Variants in LAMA5 observed in about 807,000 individuals in gnomAD.
LAMA5 encodes laminin subunit alpha 5.
In LAMA5, 260 loss-of-function variants were observed where a neutral mutation model predicts 433.4. The ratio of observed to expected loss-of-function variants is 0.60; its 90% CI spans 0.54 to 0.66. The LOEUF (loss-of-function observed/expected upper bound fraction) is 0.66, where lower values mean the gene tolerates loss of function less well. LAMA5 is among the 30% of genes least tolerant of loss of function. The pLI, the probability that LAMA5 is intolerant of heterozygous loss-of-function variation, is 0.00. For missense variants in LAMA5, 5,378 were observed against 5,258.5 expected (o/e 1.02, Z -0.70); for synonymous variants, 2,620 against 2,226.6 (o/e 1.18, Z -4.97).
At chr20:62,315,355 C>T (rs1335354150) in intron 58 of LAMA5, 148 bp from the exon 59 acceptor site, 3 of 672,810 alleles carry the variant, frequency 4.5e-6, no homozygotes, top group South Asian at 4.1e-5. Flanking sequence ...TCAGTGCAAT[C>T]CAAACCCATC....
In LAMA5 at chr20:62,312,402, G is replaced by A. The variant is rs1314326941; in HGVS notation, c.9358C>T (p.Leu3120=). 9 of 1,598,624 alleles carry A rather than the reference G, an allele frequency of 5.6e-6. No individual in the cohort carries two copies. Among genetic ancestry groups the A allele is most frequent in the African/African-American group, 2.7e-5 (2 of 75,028 alleles). Residue 3120 remains leucine, a splice_region_variant and synonymous_variant, in exon 68 of 80, where the codon CTG becomes TTG. Transcript: ENST00000252999. ...CCAGCCCGGGGAGGGCTGCTCACCA[G>A]CAGGTCGGCGGTGCAGCCGGCGCTC... ...GVSAGCTADL[L]VGRAMTFHGH... is the part of the protein sequence containing the mutation.
At chr20:62,318,309 A>G (rs1444342694) in intron 53 of LAMA5, 145 bp downstream of exon 53, 35 of 304,828 alleles carry the variant, frequency 1.1e-4, no homozygotes, top group Non-Finnish European at 1.5e-4. Flanking sequence ...GGGGGGAAGA[A>G]GAGGAGGAGG....
chr20:62,311,713 G>A lies in LAMA5; in HGVS notation c.9707C>T (p.Pro3236Leu), dbSNP rs762372774. ...PHRGPPPELQ[P>L]QPEGPPRLLL... ...GAGCCTCGGGGGCCCCTCAGGCTGC[G>A]GCTGGAGCTCGGGGGGTGGTCCCCG... The change falls in exon 71 of 80, where the codon CCG becomes CTG. Residue 3236 changes from proline to leucine, a missense_variant. Physicochemically the swap from Pro to Leu is moderately conservative, Grantham distance 98. Transcript: ENST00000252999. 8 of 1,567,432 alleles carry A rather than the reference G, an allele frequency of 5.1e-6. No individual in the cohort carries two copies. Among genetic ancestry groups the A allele is most frequent in the East Asian group, 4.7e-5 (2 of 42,390 alleles).
intron 6 of LAMA5, 117 bp from the exon 7 acceptor site, chr20:62,347,145 C>T (rs920306423): frequency 3.7e-5 from 26 of 707,796 alleles, no homozygotes; most frequent in Non-Finnish European, 5.3e-5. Context: ...CACATGGACA[C>T]GGCCCCCCGC....
chr20:62,331,692 C>T (rs1389017277), intron 28 of LAMA5, among the ~76,000 whole-genome samples: 6 of 152,334 alleles, frequency 3.9e-5, no homozygotes, highest in Admixed American at 2.6e-4. Flanking sequence ...TCTCGGAACA[C>T]GGCAACTTAT....
rs749861062 is a variant in LAMA5 at position 62,337,594 on chromosome 20, G to C, written c.2160C>G (p.Cys720Trp). The change falls in exon 16 of 80, where the codon TGC (cysteine) becomes TGG (tryptophan). Residue 720 changes from cysteine to tryptophan, a missense_variant. By Grantham distance (215) the Cys-to-Trp change is radical (BLOSUM62 -2). Transcript: ENST00000252999. ...CACAGCCACCTGCCTGCTCACCTTCGCAGTAGGGGAAGTTGTAGGCACCGG... is the reference window on the plus strand; with the variant it reads ...CACAGCCACCTGCCTGCTCACCTTCCCAGTAGGGGAAGTTGTAGGCACCGG... ...CVPGAYNFPY[C>W]EAGSCHPAGL... 2 of 1,604,808 alleles carry C rather than the reference G, an allele frequency of 1.2e-6. No individual in the cohort carries two copies. The highest frequency in any genetic ancestry group is 1.7e-6 in the Non-Finnish European group (2 of 1,176,562).
rs145978926 is a variant in LAMA5, at chr20:62,332,682, T to C, written c.3318A>G (p.Pro1106=). The change falls in exon 27 of 80, where the codon CCA becomes CCG. Residue 1106 remains proline (P), a synonymous_variant. Transcript: ENST00000252999. ...ACTCCACCACTAGGGCATAGCGGCC[T>C]GGCTGTGGCACTGCCACTTGAAGCT... ...DVQLQVAVPQ[P]GRYALVVEYA... is the part of the protein sequence containing the mutation. The C allele has an allele frequency of 6.2e-4, 1,000 of 1,610,968 alleles. 1 individual carries two copies. Among genetic ancestry groups the C allele is most frequent in the Admixed American group, 2.5e-3 (148 of 59,522 alleles).
In LAMA5 at chr20:62,324,361, G is replaced by A; in HGVS notation, c.5643+80C>T. On this transcript the variant is annotated intron_variant, in intron 42 of 79. Transcript: ENST00000252999. The surrounding 1 kb of genome is among the most constrained non-coding windows in gnomAD (Gnocchi z 4.4). ...CCCAGACCTCAGTTGACCTGGAAGT[G>A]CAGCCCCTGGTCTTCCCTGGCACAC... 7.0e-7 allele frequency: 1 copy of A among 1,426,394 alleles called. No homozygotes were observed. The highest frequency in any genetic ancestry group is 9.7e-7 in the Non-Finnish European group (1 of 1,030,672). 88.4% of individuals were successfully genotyped at this position (1,426,394 alleles called of 1,614,324 possible). A position where few individuals can be genotyped will look rare whatever the true frequency, so the allele number is the denominator to read the frequency against.
At chr20:62,365,594 G>A (rs959607282) in intron 1 of LAMA5, among the ~76,000 whole-genome samples, 3 of 152,204 alleles carry the variant, frequency 2.0e-5, no homozygotes, top group Non-Finnish European at 2.9e-5. Context: ...CAGGCCCTCT[G>A]TGGTGAGGTG....
At chr20:62,333,811 C>A in intron 23 of LAMA5, 90 bp downstream of exon 23, 1 of 1,146,556 alleles carries the variant, frequency 8.7e-7, no homozygotes, top group Non-Finnish European at 1.1e-6. Context: ...CCCACATGAG[C>A]CAGAGGAAGG....
intron 64 of LAMA5, 30 bp from the exon 65 acceptor site, chr20:62,313,280 AGGGTG>A (rs772177474): frequency 8.7e-5 from 9 of 103,346 alleles, no homozygotes; most frequent in Non-Finnish European, 1.1e-4. Flanking sequence ...GGGTCAGCGG[AGGGTG>A]GGGTGGGGTG....
Position 62,309,777 on chromosome 20 carries a change from C to T in LAMA5, c.10887G>A (p.Val3629=), listed in dbSNP as rs753457521. 1.2e-6 allele frequency: 2 copies of T among 1,607,708 alleles called. No homozygotes were observed. Among genetic ancestry groups the T allele is most frequent in the Non-Finnish European group, 1.7e-6 (2 of 1,178,506 alleles). ...CAGCTGCAGCCGCCAGCAAGGGGCC[C>T]ACGGTGTGGTTGCTCTGCGCGTCCA... The part of the protein sequence containing the change: ...LEVDAQSNHT[V]GPLLAAAAGA... Residue 3629 remains valine, a synonymous_variant, in exon 79 of 80, where the codon GTG becomes GTA. Transcript: ENST00000252999.
chr20:62,362,245 G>A (rs1030648002), intron 2 of LAMA5, among the ~76,000 whole-genome samples, 155 bp downstream of exon 2: 2 of 152,216 alleles, frequency 1.3e-5, no homozygotes, highest in Non-Finnish European at 1.5e-5. Context: ...TTGTCCCTGT[G>A]GGGACTCCCC....
intron 11 of LAMA5, among the ~76,000 whole-genome samples, chr20:62,341,382 C>A (rs1472162348): frequency 1.3e-5 from 2 of 152,202 alleles, no homozygotes; most frequent in Non-Finnish European, 2.9e-5. Flanking sequence ...TAGCTTTAAA[C>A]TAGAGTTTCC....
At chr20:62,342,526 A>G (rs1274830917) in intron 11 of LAMA5, among the ~76,000 whole-genome samples, 1 of 151,700 alleles carries the variant, frequency 6.6e-6, no homozygotes, top group Non-Finnish European at 1.5e-5. Context: ...AAAGTACAAA[A>G]AAATTAGCCG....
intron 58 of LAMA5, 99 bp from the exon 59 acceptor site, chr20:62,315,306 A>G: frequency 9.6e-7 from 1 of 1,037,548 alleles, no homozygotes; most frequent in Non-Finnish European, 1.4e-6. Flanking sequence ...GGGACATCCA[A>G]CCCCCTATGG....
At position 62,336,669 on chromosome 20, in the gene LAMA5, C is replaced by T. The variant is rs967905667; in HGVS notation, c.2217+65G>A. ...GGCAGGAAGCCCTGGTCTCACCGGA[C>T]TCGGGACTTTTAGCTTGGCCTGGGT... On this transcript the variant is annotated intron_variant, in intron 17 of 79. Coordinates refer to ENST00000252999, the MANE Select transcript of LAMA5 (RefSeq NM_005560.6). The T allele has an allele frequency of 1.9e-6, 3 of 1,577,530 alleles. No homozygotes were observed. In the African/African-American group the frequency reaches 4.0e-5, roughly 21 times the overall value.
At chr20:62,316,250 GC>G (rs1482811532) in intron 57 of LAMA5, 192 bp from the exon 58 acceptor site, 1 of 597,070 alleles carries the variant, frequency 1.7e-6, no homozygotes, top group Non-Finnish European at 3.0e-6. Context: ...TTCCCTGAAG[GC>G]CTCTGGTCCC....
At position 62,324,940 on chromosome 20, in the gene LAMA5, C is replaced by T; in HGVS notation, c.5529+376G>A. On this transcript the variant is annotated intron_variant, in intron 41 of 79. Coordinates refer to ENST00000252999, the MANE Select transcript of LAMA5 (RefSeq NM_005560.6). The surrounding 1 kb of genome is among the most constrained non-coding windows in gnomAD (Gnocchi z 4.4). Reference sequence around the variant, plus strand: ...ACAGCAGACAGACAGATTAGCAGGGCAGATTAGCAGCTGGACAGACACACA... The same window carrying T: ...ACAGCAGACAGACAGATTAGCAGGGTAGATTAGCAGCTGGACAGACACACA... 1 of 382,848 alleles carries T rather than the reference C, an allele frequency of 2.6e-6. No homozygotes were observed. The highest frequency in any genetic ancestry group is 4.9e-6 in the Non-Finnish European group (1 of 206,124). The allele number at this position is 382,848 out of a possible 1,614,324, so 23.7% of individuals were successfully genotyped here. A position where few individuals can be genotyped will look rare whatever the true frequency, so the allele number is the denominator to read the frequency against.
Sources: allele counts gnomAD v4.1 joint callset (sites outside exome capture counted in the v4.1 genomes callset), GRCh38; gene constraint gnomAD v4.1.1; non-coding constraint Gnocchi (gnomAD v3.1); transcripts MANE v1.5; gene names NCBI Gene and HGNC (gene_info 2026-07-23, HGNC 2026-07-21).